The following PCDH15 variants were observed in gnomAD, a reference collection of about 807,000 sequenced individuals.
The protein encoded by PCDH15 is protocadherin-15.
A neutral mutation model predicts 178.5 loss-of-function variants in PCDH15; 129 were observed. That is an observed-to-expected ratio of 0.72 (90% CI 0.63 to 0.84). The LOEUF is 0.84. Ranked by LOEUF, PCDH15 falls within the 40% of genes least tolerant of loss-of-function variation. The pLI is 0.00. For synonymous variants in PCDH15, 800 were observed against 732.0 expected (o/e 1.09, Z -1.50); for missense variants, 2,230 against 2,099.9 (o/e 1.06, Z -1.21).
intron 3 of PCDH15, among the ~76,000 whole-genome samples, chr10:54,489,963 G>C (rs2079433599): frequency 6.6e-6 from 1 of 152,120 alleles, no homozygotes; most frequent in Non-Finnish European, 1.5e-5. Context: ...ACTGGCATGT[G>C]ATCAGAATTA....
intron 2 of PCDH15, chr10:55,599,874 T>C: frequency 6.9e-7 from 1 of 1,448,856 alleles, no homozygotes; most frequent in African/African-American, 1.4e-5. Flanking sequence ...CATAATCACT[T>C]GTTCCCTAAG....
intron 2 of PCDH15, among the ~76,000 whole-genome samples, chr10:54,986,983 C>T (rs557557635): frequency 6.6e-6 from 1 of 152,016 alleles, no homozygotes; most frequent in Non-Finnish European, 1.5e-5. Flanking sequence ...GTTTGCTGCA[C>T]CTATTAATCA....
intron 16 of PCDH15, among the ~76,000 whole-genome samples, chr10:54,084,421 C>T (rs557250895): frequency 3.6e-4 from 55 of 151,040 alleles, no homozygotes; most frequent in Admixed American, 2.6e-3. Flanking sequence ...TGCAGTAAGC[C>T]GAGACCATAC....
Position 53,822,532 on chromosome 10 carries a change from C to T in PCDH15, c.4368-2302G>A, listed in dbSNP as rs779147587. The T allele has an allele frequency of 3.1e-6, 5 of 1,613,230 alleles. No individual in the cohort carries two copies. The highest frequency in any genetic ancestry group is 4.2e-6 in the Non-Finnish European group (5 of 1,179,756). ...ATGTTTGGTGGATGGGCAAAATTTT[C>T]AAAAATATTTCTTTCGGTTTCAATA... On this transcript the variant is annotated intron_variant, in intron 32 of 37. Coordinates refer to ENST00000644397, the MANE Select transcript of PCDH15 (RefSeq NM_001384140.1).
intron 2 of PCDH15, among the ~76,000 whole-genome samples, chr10:54,603,797 A>G (rs2092639020): frequency 6.6e-6 from 1 of 151,894 alleles, no homozygotes; most frequent in South Asian, 2.1e-4. Flanking sequence ...TCTGACCCAG[A>G]TTTTACAATT....
chr10:54,563,770 G>T (rs1185374550), intron 2 of PCDH15, among the ~76,000 whole-genome samples: 1 of 151,996 alleles, frequency 6.6e-6, no homozygotes, highest in Admixed American at 6.6e-5. Context: ...TTCTAGTTGT[G>T]TATATTGTGG....
At chr10:54,397,517 G>A (rs1951399185) in intron 3 of PCDH15, among the ~76,000 whole-genome samples, 1 of 151,774 alleles carries the variant, frequency 6.6e-6, no homozygotes, top group South Asian at 2.1e-4. Context: ...AACTCTATCT[G>A]GTATAATTTT....
At chr10:54,455,726 G>A (rs570755589) in intron 3 of PCDH15, among the ~76,000 whole-genome samples, 2 of 152,310 alleles carry the variant, frequency 1.3e-5, no homozygotes, top group East Asian at 3.9e-4. Flanking sequence ...GGACATGTCA[G>A]AGAACTTCAC....
intron 2 of PCDH15, among the ~76,000 whole-genome samples, chr10:54,963,987 C>T (rs1838718732): frequency 6.6e-6 from 1 of 152,046 alleles, no homozygotes; most frequent in Non-Finnish European, 1.5e-5. Context: ...AATGTAACTA[C>T]ATGTGGGGAA....
chr10:54,728,643 C>T (rs1447479303), intron 1 of PCDH15, among the ~76,000 whole-genome samples: 2 of 151,214 alleles, frequency 1.3e-5, no homozygotes, highest in Non-Finnish European at 3.0e-5. Flanking sequence ...GGTATTCAAA[C>T]TATCTCTGTA....
chr10:54,522,229 A>T (rs934316075), intron 3 of PCDH15, among the ~76,000 whole-genome samples: 1 of 152,066 alleles, frequency 6.6e-6, no homozygotes, highest in Non-Finnish European at 1.5e-5. Context: ...TGTAAATTAT[A>T]TGTTACTAGA....
chr10:54,370,129 G>A (rs1263393774), intron 4 of PCDH15, among the ~76,000 whole-genome samples: 2 of 151,766 alleles, frequency 1.3e-5, no homozygotes, highest in East Asian at 1.9e-4. Context: ...ACTTCCTCAA[G>A]TGCCATGGCT....
At chr10:54,365,054 C>T (rs1946604427) in intron 5 of PCDH15, among the ~76,000 whole-genome samples, 1 of 152,066 alleles carries the variant, frequency 6.6e-6, no homozygotes, top group South Asian at 2.1e-4. Context: ...TGACTCTAGC[C>T]AGAGAAAATT....
intron 2 of PCDH15, among the ~76,000 whole-genome samples, chr10:55,438,801 CCTG>C (rs1418694085): frequency 2.0e-5 from 3 of 151,712 alleles, no homozygotes; most frequent in Non-Finnish European, 4.4e-5. Flanking sequence ...AGAAATCCTT[CCTG>C]AAATGGGGTC....
At position 54,812,302 on chromosome 10, in the gene PCDH15, G is replaced by A. The variant is rs562052102; in HGVS notation, c.-29+85148C>T. Among the ~76,000 whole-genome samples, 400 of 131,586 alleles carry A rather than the reference G, an allele frequency of 3.0e-3. 1 individual carries two copies. The highest frequency in any genetic ancestry group is 0.014 in the Middle Eastern group (3 of 212). The allele number at this position is 131,586 out of a possible 152,430, so 86.3% of individuals were successfully genotyped here. On this transcript the variant is annotated intron_variant, in intron 3 of 5. Transcript: ENST00000458638. ...TTTTTTTTTTTTTTGAGACAGTCTC[G>A]CTCTGACACTCAGGCTGAAGTGCAA...
At chr10:54,152,766 AT>A (rs2044667184) in intron 14 of PCDH15, among the ~76,000 whole-genome samples, 1 of 151,990 alleles carries the variant, frequency 6.6e-6, no homozygotes, top group Non-Finnish European at 1.5e-5. Flanking sequence ...TTACATAACT[AT>A]TTTAATTACC....
chr10:54,975,101 G>A (rs1420852306), intron 2 of PCDH15, among the ~76,000 whole-genome samples: 2 of 152,158 alleles, frequency 1.3e-5, no homozygotes, highest in African/African-American at 2.4e-5. Context: ...TACATGCTGA[G>A]CTTTCGGTGT....
intron 9 of PCDH15, among the ~76,000 whole-genome samples, chr10:54,214,796 G>A (rs1401061416): frequency 1.3e-5 from 2 of 152,074 alleles, no homozygotes; most frequent in Non-Finnish European, 2.9e-5. Context: ...TTGCCATGTT[G>A]GCCAGGCTGG....
intron 1 of PCDH15, among the ~76,000 whole-genome samples, chr10:54,752,476 CA>C (rs755874514): frequency 0.027 from 2,426 of 89,650 alleles, 97 homozygotes; most frequent in African/African-American, 0.1. Flanking sequence ...GACTCCGTCT[CA>C]AAAAAAAAAA....
Sources: gnomAD v4.1 joint callset for allele counts (sites outside exome capture counted in the v4.1 genomes callset) on GRCh38, gnomAD v4.1.1 for gene constraint, MANE v1.5 for transcripts, NCBI Gene and HGNC (gene_info 2026-07-23, HGNC 2026-07-21) for gene names.